The following TPD52 variants were observed in gnomAD, a reference collection of about 807,000 sequenced individuals.
TPD52 encodes the protein prostate and colon associated protein.
In TPD52, 17 loss-of-function variants were observed where a neutral mutation model predicts 31.3. The observed-to-expected ratio is 0.54, with a 90% CI of 0.37 to 0.82. TPD52 has a LOEUF of 0.82. TPD52 is among the 40% of genes least tolerant of loss of function. The probability of loss-of-function intolerance (pLI) is 0.00; values close to 1 mark genes in which losing one functional copy is unlikely to be tolerated. For synonymous variants in TPD52, 83 were observed against 89.6 expected, an observed-to-expected ratio of 0.93 and a Z score of 0.42; for missense variants, 212 against 240.1, an observed-to-expected ratio of 0.88 and a Z score of 0.77.
At chr8:80,169,411 C>T (rs549915161) in intron 1 of TPD52, among the ~76,000 whole-genome samples, 5 of 152,154 alleles carry the variant, frequency 3.3e-5, no homozygotes, top group East Asian at 1.9e-4. Flanking sequence ...ATTATAGACA[C>T]GAAAAGACTC....
intron 1 of TPD52, among the ~76,000 whole-genome samples, chr8:80,141,573 C>T (rs1031421087): frequency 3.9e-5 from 6 of 152,190 alleles, no homozygotes; most frequent in African/African-American, 1.4e-4. Context: ...AGAGCCAGAA[C>T]CACTTTCTTG....
At chr8:80,062,300 G>A (rs1285100862) in intron 2 of TPD52, among the ~76,000 whole-genome samples, 1 of 152,036 alleles carries the variant, frequency 6.6e-6, no homozygotes, top group African/African-American at 2.4e-5. Context: ...TTTTAACAAG[G>A]ATGCCACGAG....
intron 5 of TPD52, among the ~76,000 whole-genome samples, chr8:80,045,584 T>G (rs1810764103): frequency 6.6e-6 from 1 of 152,114 alleles, no homozygotes; most frequent in African/African-American, 2.4e-5. Context: ...GGAAACCAGT[T>G]CCCAAAGAAA....
chr8:80,163,096 C>G (rs1400455166), intron 1 of TPD52, among the ~76,000 whole-genome samples: 1 of 152,062 alleles, frequency 6.6e-6, no homozygotes, highest in Non-Finnish European at 1.5e-5. Context: ...ACAGAATTAT[C>G]ATATGATCCA....
intron 1 of TPD52, among the ~76,000 whole-genome samples, chr8:80,073,373 T>C (rs1482667139): frequency 6.6e-6 from 1 of 152,194 alleles, no homozygotes; most frequent in Non-Finnish European, 1.5e-5. Flanking sequence ...TGAAACCCCA[T>C]CCCTATTTCC....
At chr8:80,058,892 T>C (rs1426488427) in intron 2 of TPD52, among the ~76,000 whole-genome samples, 1 of 152,204 alleles carries the variant, frequency 6.6e-6, no homozygotes, top group African/African-American at 2.4e-5. Context: ...TATAAAACTT[T>C]GGGCGAAAAA....
intron 1 of TPD52, chr8:80,158,722 A>C (rs1811139712): frequency 6.6e-6 from 1 of 151,784 alleles, no homozygotes; most frequent in African/African-American, 2.4e-5. Flanking sequence ...CGGGCTGATC[A>C]CGAGGTCAGG....
At position 80,111,615 on chromosome 8, in the gene TPD52, A is replaced by G. The variant is rs558783837; in HGVS notation, c.20-47022T>C. Among the ~76,000 whole-genome samples, 5 of 152,364 alleles carry G rather than the reference A, an allele frequency of 3.3e-5. No individual in the cohort carries two copies. The East Asian group carries it at 5.8e-4, about 18-fold the overall frequency. ...CTTGATCATATAGAATGATGCAACT[A>G]GCTTACCATTAATAAATCATGCCCA... On this transcript the variant is annotated intron_variant, in intron 1 of 7. Coordinates refer to ENST00000518937, the MANE Select transcript of TPD52 (RefSeq NM_001025253.3).
chr8:80,080,340 G>A (rs187603381), intron 1 of TPD52: 27 of 1,613,968 alleles, frequency 1.7e-5, no homozygotes, highest in African/African-American at 2.7e-5. Flanking sequence ...TAGGTGATCC[G>A]GGTGGAGATG....
chr8:80,105,792 T>G (rs1032261622), intron 1 of TPD52, among the ~76,000 whole-genome samples: 11 of 143,230 alleles, frequency 7.7e-5, no homozygotes, highest in Middle Eastern at 3.9e-3. Context: ...AGTGCAGCGG[T>G]GCAATCTTGG....
intron 1 of TPD52, among the ~76,000 whole-genome samples, chr8:80,104,273 G>A (rs1806944946): frequency 6.6e-6 from 1 of 152,204 alleles, no homozygotes; most frequent in Non-Finnish European, 1.5e-5. Flanking sequence ...GGTGTGGGGA[G>A]AAGGATGTTA....
chr8:80,094,016 C>T (rs142088339), intron 1 of TPD52, among the ~76,000 whole-genome samples: 1 of 152,204 alleles, frequency 6.6e-6, no homozygotes, highest in African/African-American at 2.4e-5. Flanking sequence ...ATAATAACTG[C>T]TGTATTAATC....
chr8:80,050,583 A>G, intron 4 of TPD52, 112 bp from the exon 5 acceptor site: 1 of 997,644 alleles, frequency 1.0e-6, no homozygotes, highest in East Asian at 2.7e-5. Context: ...CTAAACTGCT[A>G]CACAATTCAG....
chr8:80,129,995 G>T (rs1388271914), intron 1 of TPD52, among the ~76,000 whole-genome samples: 1 of 152,170 alleles, frequency 6.6e-6, no homozygotes, highest in East Asian at 1.9e-4. Flanking sequence ...GTTGCTCCCG[G>T]CCACTCTCCT....
intron 1 of TPD52, among the ~76,000 whole-genome samples, chr8:80,115,788 G>A (rs918600109): frequency 1.3e-5 from 2 of 152,176 alleles, no homozygotes; most frequent in African/African-American, 4.8e-5. Context: ...AGTGATACCA[G>A]TCCAGAAGCC....
chr8:80,049,448 T>C (rs1811160064), intron 5 of TPD52, among the ~76,000 whole-genome samples: 1 of 152,212 alleles, frequency 6.6e-6, no homozygotes, highest in South Asian at 2.1e-4. Flanking sequence ...TTTAAATAGT[T>C]CAACATTTAG....
chr8:80,083,660 G>A (rs1012605511), intron 1 of TPD52, among the ~76,000 whole-genome samples: 1 of 152,202 alleles, frequency 6.6e-6, no homozygotes, highest in Non-Finnish European at 1.5e-5. Context: ...ATCTAGAACT[G>A]TGAGTCAATT....
chr8:80,035,163 T>A lies in TPD52; in HGVS notation c.*2953A>T, dbSNP rs1187350698. 6.6e-6 allele frequency: 1 copy of A among 152,216 alleles called. No individual in the cohort carries two copies. The highest frequency in any genetic ancestry group is 2.4e-5 in the African/African-American group (1 of 41,460). 9.4% of individuals were successfully genotyped at this position (152,216 alleles called of 1,614,324 possible). A position where few individuals can be genotyped will look rare whatever the true frequency, so the allele number is the denominator to read the frequency against. On this transcript the variant is annotated 3_prime_UTR_variant, in exon 8 of 8. Transcript: ENST00000518937. The stretch of plus-strand genomic sequence containing the variant: ...TCTTCACTATGGGCAAAAATGTGAT[T>A]TCTTCATCTGGGCTTTAAGAGCTAT...
chr8:80,045,213 T>C (rs1197717092), intron 5 of TPD52, among the ~76,000 whole-genome samples: 5 of 152,214 alleles, frequency 3.3e-5, no homozygotes, highest in Non-Finnish European at 7.3e-5. Context: ...AGGAATTTGA[T>C]AATTCTTTTC....
Sources: allele counts gnomAD v4.1 joint callset (sites outside exome capture counted in the v4.1 genomes callset), GRCh38; gene constraint gnomAD v4.1.1; transcripts MANE v1.5; gene names NCBI Gene and HGNC (gene_info 2026-07-23, HGNC 2026-07-21).